CCAR2: variants seen among roughly 807,000 people sequenced by gnomAD.
CCAR2 encodes cell cycle and apoptosis regulator 2, also known as cell cycle and apoptosis regulator protein 2.
CCAR2 carries 21 observed loss-of-function variants against 108.1 expected under a neutral mutation model. That is an observed-to-expected ratio of 0.19 (90% CI 0.14 to 0.28). CCAR2 has a LOEUF of 0.28. Ranked by LOEUF, CCAR2 falls within the 10% of genes least tolerant of loss-of-function variation. The pLI is 1.00. For synonymous variants in CCAR2, 577 were observed against 472.8 expected, an observed-to-expected ratio of 1.22 and a Z score of -2.86; for missense variants, 1,126 against 1,177.0, an observed-to-expected ratio of 0.96 and a Z score of 0.63.
At position 22,605,909 on chromosome 8, in the gene CCAR2, G is replaced by A. The variant is rs1226780015; in HGVS notation, c.58+78G>A. The A allele has an allele frequency of 5.5e-6, 8 of 1,462,548 alleles. No individual in the cohort carries two copies. In the East Asian group the frequency reaches 1.8e-4, roughly 33 times the overall value. 90.6% of individuals were successfully genotyped at this position (1,462,548 alleles called of 1,614,324 possible). ...GTTAGTTTGGGGTTTCCCTGGTGGA[G>A]AGCAATTTGCTGCTGATGTTCCTCT... On this transcript the variant is annotated intron_variant, in intron 2 of 20. Transcript: ENST00000308511.
At position 22,615,810 on chromosome 8, in the gene CCAR2, ACCC is replaced by A; in HGVS notation, c.1511_1513del (p.Pro504del). ...ACACTGATCTCCCAGAGGCCCCTCCACCCCCCCTAGAACCTGCTGTCATCGCAC... is the reference window on the plus strand; with the variant it reads ...ACACTGATCTCCCAGAGGCCCCTCCACCCCTAGAACCTGCTGTCATCGCAC... On this transcript the variant is annotated inframe_deletion, in exon 13 of 21. Coordinates refer to ENST00000308511, the MANE Select transcript of CCAR2 (RefSeq NM_001393997.1). 1 of 1,613,016 alleles carries A rather than the reference ACCC, an allele frequency of 6.2e-7. No individual in the cohort carries two copies. The highest frequency in any genetic ancestry group is 2.2e-5 in the East Asian group (1 of 44,822).
At position 22,618,824 on chromosome 8, in the gene CCAR2, T is replaced by C. The variant is rs766743725; in HGVS notation, c.2333-3T>C. 1.2e-6 allele frequency: 2 copies of C among 1,613,464 alleles called. No homozygotes were observed. Among genetic ancestry groups the C allele is most frequent in the Non-Finnish European group, 1.7e-6 (2 of 1,179,838 alleles). ...CTGAATTCTTTTTCACGGTTCTCTC[T>C]AGGAAACCTGGACCTGCTGCCCCCT... On this transcript the variant is annotated splice_polypyrimidine_tract_variant and splice_region_variant and intron_variant, in intron 18 of 20. Transcript: ENST00000308511.
At chr8:22,618,566 T>C (rs1801616376) in intron 17 of CCAR2, 51 bp from the exon 18 acceptor site, 5 of 1,613,944 alleles carry the variant, frequency 3.1e-6, no homozygotes, top group South Asian at 1.1e-5. Context: ...TTCCCGCCCA[T>C]GGCCAGGGTC....
At chr8:22,616,633 T>C (rs906668779) in intron 14 of CCAR2, 53 of 208,180 alleles carry the variant, frequency 2.5e-4, no homozygotes, top group South Asian at 2.5e-4. Flanking sequence ...CTGGCCAATA[T>C]AGTGAAACGC....
At position 22,616,180 on chromosome 8, in the gene CCAR2, G is replaced by A; in HGVS notation, c.1777G>A (p.Glu593Lys). ...CAAGGAGGAAGAAGCCATCAAAGAG[G>A]AGGTGGTCAAGGAGCCCAAGGATGA... ...ATKEEEAIKE[E>K]VVKEPKDEAQ... The change falls in exon 14 of 21, where the codon GAG becomes AAG. Residue 593 changes from glutamate (E) to lysine (K), a missense_variant. Glu to Lys is a moderately conservative substitution (Grantham distance 56). This residue lies in a region of CCAR2 where 1,013 missense variants were observed against 993.9 expected (regional missense o/e 1.02). Transcript: ENST00000308511. The A allele has an allele frequency of 6.2e-7, 1 of 1,613,990 alleles. No individual in the cohort carries two copies. The highest frequency in any genetic ancestry group is 1.1e-5 in the South Asian group (1 of 91,092).
intron 11 of CCAR2, 111 bp from the exon 12 acceptor site, chr8:22,615,314 G>C: frequency 7.6e-7 from 1 of 1,308,030 alleles, no homozygotes; most frequent in Non-Finnish European, 1.1e-6. Flanking sequence ...AGCTTGGTTC[G>C]CAGTGTGTGC....
At position 22,608,657 on chromosome 8, in the gene CCAR2, G is replaced by A. The variant is rs1801168528; in HGVS notation, c.584+592G>A. Among the ~76,000 whole-genome samples the A allele has an allele frequency of 5.9e-5, 9 of 152,266 alleles. 1 individual carries two copies. In the South Asian group the frequency reaches 1.7e-3, roughly 28 times the overall value. On this transcript the variant is annotated intron_variant, in intron 7 of 20. Coordinates refer to ENST00000308511, the MANE Select transcript of CCAR2 (RefSeq NM_001393997.1). ...TCATCTGTAGCATTGGGGACCACTA[G>A]GAGCATGCTGTCCCGTCTTCTCTCC...
chr8:22,619,310 G>A lies in CCAR2; in HGVS notation c.2682G>A (p.Arg894=). ...AGCGGCTGCTGCAGGAGCTCCGCAG[G>A]CGTCTGACCCCCCTGCAGCTGGAGA... ...QLQRLLQELR[R]RLTPLQLEIQ... is the part of the protein sequence containing the mutation. The change falls in exon 20 of 21, where the codon AGG becomes AGA. Residue 894 remains arginine (R), a synonymous_variant. Coordinates refer to ENST00000308511, the MANE Select transcript of CCAR2 (RefSeq NM_001393997.1). 1.3e-6 allele frequency: 2 copies of A among 1,564,346 alleles called. No individual in the cohort carries two copies. Among genetic ancestry groups the A allele is most frequent in the Middle Eastern group, 1.7e-4 (1 of 5,932 alleles).
Position 22,619,623 on chromosome 8 carries a change from A to C in CCAR2, c.2728-15A>C. On this transcript the variant is annotated splice_polypyrimidine_tract_variant and intron_variant, in intron 20 of 20. Transcript: ENST00000308511. ...TGCCAGGCCCGATTCTGGGTACATCATCTGTTTCAAACAGGCTGACAGCTG... is the reference window on the plus strand; with the variant it reads ...TGCCAGGCCCGATTCTGGGTACATCCTCTGTTTCAAACAGGCTGACAGCTG... The C allele has an allele frequency of 1.9e-6, 3 of 1,544,530 alleles. No individual in the cohort carries two copies. The highest frequency in any genetic ancestry group is 2.6e-6 in the Non-Finnish European group (3 of 1,140,242).
chr8:22,613,655 C>G (rs887712044), intron 8 of CCAR2, among the ~76,000 whole-genome samples: 2 of 152,142 alleles, frequency 1.3e-5, no homozygotes, highest in Admixed American at 1.3e-4. Flanking sequence ...TGTTAGCCGA[C>G]TTTTTCATCT....
At chr8:22,606,880 G>C in intron 4 of CCAR2, 30 bp from the exon 5 acceptor site, 15 of 1,609,868 alleles carry the variant, frequency 9.3e-6, no homozygotes, top group Non-Finnish European at 1.1e-5. Context: ...TCCCTCTTCT[G>C]ATGGGGCCTT....
At chr8:22,608,865 C>G (rs938817326) in intron 7 of CCAR2, among the ~76,000 whole-genome samples, 1 of 152,024 alleles carries the variant, frequency 6.6e-6, no homozygotes, top group Non-Finnish European at 1.5e-5. Flanking sequence ...CTTATTATAC[C>G]CATTACCCAG....
At position 22,615,972 on chromosome 8, in the gene CCAR2, T is replaced by G. The variant is rs1383664584; in HGVS notation, c.1609-40T>G. ...GGGATTTGTGGGCCTGAAGCAGTCT[T>G]TCTTCCTGATGCTCATGGACCCTCC... On this transcript the variant is annotated intron_variant, in intron 13 of 20. Coordinates refer to ENST00000308511, the MANE Select transcript of CCAR2 (RefSeq NM_001393997.1). 3.7e-6 allele frequency: 6 copies of G among 1,612,930 alleles called. No homozygotes were observed. In the East Asian group the frequency reaches 1.1e-4, roughly 30 times the overall value.
chr8:22,617,402 C>T lies in CCAR2; in HGVS notation c.1846-18C>T. The T allele has an allele frequency of 6.6e-7, 1 of 1,524,648 alleles. No individual in the cohort carries two copies. The highest frequency in any genetic ancestry group is 8.8e-7 in the Non-Finnish European group (1 of 1,137,734). 94.4% of individuals were successfully genotyped at this position (1,524,648 alleles called of 1,614,324 possible). A position where few individuals can be genotyped will look rare whatever the true frequency, so the allele number is the denominator to read the frequency against. On this transcript the variant is annotated intron_variant, in intron 14 of 20. Coordinates refer to ENST00000308511, the MANE Select transcript of CCAR2 (RefSeq NM_001393997.1). ...TAACTGCCTGCCTTTTCCTTATAACCTTTGTCTGCCTCTGTAGAAGGAGGA... is the reference window on the plus strand; with the variant it reads ...TAACTGCCTGCCTTTTCCTTATAACTTTTGTCTGCCTCTGTAGAAGGAGGA...
chr8:22,618,224 G>A, intron 16 of CCAR2, 125 bp from the exon 17 acceptor site: 2 of 1,286,640 alleles, frequency 1.6e-6, no homozygotes. Flanking sequence ...CCCAGCAGCT[G>A]GGACTTCAGG....
Position 22,619,646 on chromosome 8 carries a change from C to G in CCAR2, c.2736C>G (p.Ser912Arg). 3 of 1,574,222 alleles carry G rather than the reference C, an allele frequency of 1.9e-6. No homozygotes were observed. The highest frequency in any genetic ancestry group is 1.2e-5 in the South Asian group (1 of 85,884). Residue 912 changes from serine (S) to arginine (R), a missense_variant, in exon 21 of 21, where the codon AGC becomes AGG. Physicochemically the swap from Ser to Arg is moderately radical, Grantham distance 110. Transcript: ENST00000308511. ...EIQRVVEKAD[S>R]WVEKEEPAPS... is the part of the protein sequence containing the mutation. ...TCATCTGTTTCAAACAGGCTGACAG[C>G]TGGGTGGAGAAGGAGGAGCCGGCAC...
intron 14 of CCAR2, among the ~76,000 whole-genome samples, chr8:22,617,080 G>C (rs913666854): frequency 1.2e-4 from 18 of 151,374 alleles, no homozygotes; most frequent in African/African-American, 4.4e-4. Context: ...TCACCATGTT[G>C]GCCTGGCTGG....
intron 2 of CCAR2, 107 bp from the exon 3 acceptor site, chr8:22,605,978 G>A (rs1801062735): frequency 1.6e-6 from 2 of 1,280,012 alleles, no homozygotes; most frequent in Admixed American, 1.7e-5. Context: ...GAAGCTCTGT[G>A]GAGGAGCTGG....
Position 22,607,343 on chromosome 8 carries a change from T to A in CCAR2, c.487+18T>A. On this transcript the variant is annotated intron_variant, in intron 6 of 20. Transcript: ENST00000308511. ...TCAGAAGCGTGAGTACGAGTGGCAC[T>A]GTTGTTGGGTGTGGCATTATGGGGT... 3 of 1,607,168 alleles carry A rather than the reference T, an allele frequency of 1.9e-6. No homozygotes were observed. Among genetic ancestry groups the A allele is most frequent in the Non-Finnish European group, 2.5e-6 (3 of 1,179,870 alleles).
Sources: allele counts gnomAD v4.1 joint callset (sites outside exome capture counted in the v4.1 genomes callset), GRCh38; gene constraint gnomAD v4.1.1; regional missense constraint gnomAD v4.1.1; transcripts MANE v1.5; gene names NCBI Gene and HGNC (gene_info 2026-07-23, HGNC 2026-07-21).